Variants in TAFA2 observed in about 807,000 individuals in gnomAD.
TAFA2 encodes TAFA chemokine like family member 2.
TAFA2 carries 7 observed loss-of-function variants against 18.8 expected under a neutral mutation model. The ratio of observed to expected loss-of-function variants is 0.37; its 90% CI spans 0.21 to 0.70. The LOEUF is 0.70. Ranked by LOEUF, TAFA2 falls within the 30% of genes least tolerant of loss-of-function variation. The pLI, the probability that TAFA2 is intolerant of heterozygous loss-of-function variation, is 0.53. For missense variants in TAFA2, 122 were observed against 158.1 expected, an observed-to-expected ratio of 0.77 and a Z score of 1.23; for synonymous variants, 60 against 54.2, an observed-to-expected ratio of 1.11 and a Z score of -0.47.
At chr12:61,965,443 T>C (rs953077994) in intron 1 of TAFA2, among the ~76,000 whole-genome samples, 11 of 151,902 alleles carry the variant, frequency 7.2e-5, no homozygotes, top group South Asian at 6.2e-4. Flanking sequence ...GCTAAGAGAT[T>C]AGCAGAGCAC....
intron 1 of TAFA2, among the ~76,000 whole-genome samples, chr12:62,047,247 A>G (rs897547934): frequency 5.9e-5 from 9 of 152,120 alleles, no homozygotes; most frequent in African/African-American, 2.2e-4. Flanking sequence ...AGAAGAGCAA[A>G]CAAAGGAAGG....
At chr12:61,712,689 C>T (rs1487800257) in intron 4 of TAFA2, among the ~76,000 whole-genome samples, 1 of 152,118 alleles carries the variant, frequency 6.6e-6, no homozygotes, top group Non-Finnish European at 1.5e-5. Context: ...CCTATTCTCA[C>T]ACCTAAGTTT....
chr12:61,880,929 A>ACC (rs1592457199), intron 1 of TAFA2, among the ~76,000 whole-genome samples: 1 of 151,604 alleles, frequency 6.6e-6, no homozygotes, highest in South Asian at 2.1e-4. Flanking sequence ...CTGCCGGGGG[A>ACC]CCCCCCTTCC....
intron 4 of TAFA2, among the ~76,000 whole-genome samples, chr12:61,728,460 T>A (rs1379855799): frequency 1.3e-5 from 2 of 152,040 alleles, no homozygotes; most frequent in Non-Finnish European, 2.9e-5. Context: ...TGGACTAGTC[T>A]TTTTATCACT....
rs141942325 is a variant in TAFA2, at chr12:61,735,035, G to C, written c.384+18587C>G. 5.7e-3 allele frequency among the ~76,000 whole-genome samples: 870 copies of C among 152,074 alleles called. 6 individuals carry two copies. The highest frequency in any genetic ancestry group is 0.02 in the African/African-American group (827 of 41,524). On this transcript the variant is annotated intron_variant, in intron 4 of 4. Coordinates refer to ENST00000416284, the MANE Select transcript of TAFA2 (RefSeq NM_178539.5). ...ATGTATAAAGTTCTTGGAGTTGTTT[G>C]GCCATAGTGAGGACTTAATAAGTGT...
At chr12:62,108,297 T>G (rs1869555687) in intron 1 of TAFA2, among the ~76,000 whole-genome samples, 2 of 152,190 alleles carry the variant, frequency 1.3e-5, no homozygotes, top group South Asian at 4.1e-4. Flanking sequence ...TTCATCCATG[T>G]CCCTGCAAAG....
chr12:61,999,204 C>A (rs1251730022), intron 1 of TAFA2, among the ~76,000 whole-genome samples: 1 of 152,184 alleles, frequency 6.6e-6, no homozygotes, highest in East Asian at 1.9e-4. Flanking sequence ...TTCAAAATAT[C>A]ATTCAGCTAA....
At chr12:61,924,607 A>G (rs1877198247) in intron 1 of TAFA2, among the ~76,000 whole-genome samples, 2 of 152,240 alleles carry the variant, frequency 1.3e-5, no homozygotes, top group Admixed American at 1.3e-4. Flanking sequence ...TATGTAAAGG[A>G]AAAACCAGTA....
At chr12:62,225,963 A>G (rs2062784419) in intron 1 of TAFA2, among the ~76,000 whole-genome samples, 1 of 152,200 alleles carries the variant, frequency 6.6e-6, no homozygotes, top group South Asian at 2.1e-4. Flanking sequence ...GTACTCCCAC[A>G]TCTAGAAACT....
chr12:62,022,636 T>C (rs918315475), intron 1 of TAFA2, among the ~76,000 whole-genome samples: 14 of 151,446 alleles, frequency 9.2e-5, no homozygotes, highest in Non-Finnish European at 2.1e-4. Context: ...AATAATGTAA[T>C]TAGATTTAAC....
At chr12:62,221,797 AG>A (rs1229087195) in intron 1 of TAFA2, among the ~76,000 whole-genome samples, 2 of 152,208 alleles carry the variant, frequency 1.3e-5, no homozygotes, top group African/African-American at 4.8e-5. Flanking sequence ...AGATGCAAAA[AG>A]CTCTGACCAT....
intron 1 of TAFA2, among the ~76,000 whole-genome samples, chr12:61,913,927 G>T (rs1276135515): frequency 6.6e-6 from 1 of 152,142 alleles, no homozygotes; most frequent in Admixed American, 6.6e-5. Flanking sequence ...CAGAATAAAG[G>T]TGACAAAAGA....
intron 2 of TAFA2, among the ~76,000 whole-genome samples, chr12:61,756,246 TA>T (rs1306509980): frequency 5.9e-5 from 9 of 152,088 alleles, no homozygotes; most frequent in Non-Finnish European, 1.0e-4. Flanking sequence ...CTTTGACATA[TA>T]ATCCTCAATA....
chr12:61,769,615 G>A (rs1290843321), intron 2 of TAFA2, among the ~76,000 whole-genome samples: 1 of 151,920 alleles, frequency 6.6e-6, no homozygotes, highest in East Asian at 2.0e-4. Context: ...AGCTCCAATG[G>A]GTGGCTAGAC....
chr12:61,959,361 G>T (rs1317262193), intron 1 of TAFA2, among the ~76,000 whole-genome samples: 1 of 151,838 alleles, frequency 6.6e-6, no homozygotes, highest in East Asian at 1.9e-4. Context: ...ATGTCACATG[G>T]TCTTTGTATA....
rs907645360 is a variant in TAFA2, at chr12:61,816,476, T to C, written c.106+50844A>G. ...TTTGCTGTTTTGAATAGTGCTGCAA[T>C]GAACATTTGCATGCATGTGTCTTTA... On this transcript the variant is annotated intron_variant, in intron 2 of 4. Transcript: ENST00000416284. Among the ~76,000 whole-genome samples, 5 of 151,526 alleles carry C rather than the reference T, an allele frequency of 3.3e-5. No homozygotes were observed. In the Middle Eastern group the frequency reaches 0.01, roughly 309 times the overall value.
intron 1 of TAFA2, among the ~76,000 whole-genome samples, chr12:61,893,817 G>T (rs1044952979): frequency 6.6e-6 from 1 of 152,140 alleles, no homozygotes; most frequent in African/African-American, 2.4e-5. Flanking sequence ...AAGACATTTT[G>T]ATAGCTAAAT....
intron 1 of TAFA2, among the ~76,000 whole-genome samples, chr12:62,040,075 T>G (rs1381991667): frequency 6.6e-6 from 1 of 152,132 alleles, no homozygotes; most frequent in Non-Finnish European, 1.5e-5. Flanking sequence ...ATTATACCAC[T>G]CTGAGACCTG....
chr12:61,821,541 G>A (rs1260647236), intron 2 of TAFA2, among the ~76,000 whole-genome samples: 2 of 152,046 alleles, frequency 1.3e-5, no homozygotes, highest in African/African-American at 2.4e-5. Context: ...GTGGTAAAGA[G>A]ACAGACAGAC....
Sources: gnomAD v4.1 joint callset for allele counts (sites outside exome capture counted in the v4.1 genomes callset) on GRCh38, gnomAD v4.1.1 for gene constraint, MANE v1.5 for transcripts, NCBI Gene and HGNC (gene_info 2026-07-23, HGNC 2026-07-21) for gene names.